The following GLI3 variants were observed in gnomAD, a reference collection of about 807,000 sequenced individuals.
The protein encoded by GLI3 is transcription activator GLI3.
Under a neutral mutation model 100.8 loss-of-function variants are expected in GLI3, and 20 were observed. The observed-to-expected ratio is 0.20, with a 90% CI of 0.14 to 0.29. The LOEUF (loss-of-function observed/expected upper bound fraction) is 0.29, where lower values mean the gene tolerates loss of function less well. GLI3 is among the 10% of genes least tolerant of loss of function. The pLI is 1.00. For missense variants in GLI3, 2,040 were observed against 2,128.5 expected (o/e 0.96, Z 0.82); for synonymous variants, 938 against 860.5 (o/e 1.09, Z -1.58).
rs1435964599 is a variant in GLI3, at chr7:41,962,098, C to A, written c.*2232G>T. On this transcript the variant is annotated 3_prime_UTR_variant, in exon 15 of 15. Coordinates refer to ENST00000395925, the MANE Select transcript of GLI3 (RefSeq NM_000168.6). ...TCACTGTGCATCCCTCCAGGAAGGA[C>A]AAAGCTGATACAGGAAATAATGGTA... is the stretch of plus-strand genomic sequence containing the variant. 1 of 152,206 alleles carries A rather than the reference C, an allele frequency of 6.6e-6. No homozygotes were observed. Among genetic ancestry groups the A allele is most frequent in the African/African-American group, 2.4e-5 (1 of 41,450 alleles). 9.4% of individuals were successfully genotyped at this position (152,206 alleles called of 1,614,324 possible).
chr7:42,194,794 C>T (rs1787895866), intron 2 of GLI3, among the ~76,000 whole-genome samples: 1 of 122,136 alleles, frequency 8.2e-6, no homozygotes, highest in Non-Finnish European at 1.6e-5. Flanking sequence ...GAGTTTCACT[C>T]TGTCACCTGT....
chr7:42,014,648 C>A (rs1788705508), intron 10 of GLI3, among the ~76,000 whole-genome samples: 1 of 152,148 alleles, frequency 6.6e-6, no homozygotes, highest in African/African-American at 2.4e-5. Flanking sequence ...TTCTTCTGTG[C>A]CTTCACCTTA....
chr7:42,213,408 C>T (rs896090656), intron 2 of GLI3, among the ~76,000 whole-genome samples: 16 of 152,150 alleles, frequency 1.1e-4, no homozygotes, highest in African/African-American at 3.4e-4. Context: ...TTGTTTTCTC[C>T]CCCTCCCTAT....
intron 3 of GLI3, among the ~76,000 whole-genome samples, chr7:42,087,232 A>T (rs1035963540): frequency 5.3e-5 from 8 of 152,188 alleles, no homozygotes; most frequent in African/African-American, 1.9e-4. Flanking sequence ...CTCCAACAAC[A>T]GGCAAAATGA....
intron 3 of GLI3, among the ~76,000 whole-genome samples, chr7:42,107,636 C>A (rs1429656768): frequency 6.6e-6 from 1 of 152,078 alleles, no homozygotes; most frequent in Non-Finnish European, 1.5e-5. Context: ...TGGCTCTCTT[C>A]CAGGGTTTTT....
intron 4 of GLI3, among the ~76,000 whole-genome samples, chr7:42,063,062 A>T (rs60674490): frequency 6.6e-6 from 1 of 152,134 alleles, no homozygotes; most frequent in Non-Finnish European, 1.5e-5. Context: ...CAGCATAACC[A>T]TCACACAACA....
chr7:41,974,636 C>G (rs1453183821), intron 12 of GLI3, among the ~76,000 whole-genome samples: 1 of 152,156 alleles, frequency 6.6e-6, no homozygotes, highest in Non-Finnish European at 1.5e-5. Flanking sequence ...GAGGAGGGAT[C>G]ATTTTTCAGC....
intron 12 of GLI3, among the ~76,000 whole-genome samples, chr7:41,973,988 G>T (rs1482630572): frequency 1.3e-5 from 2 of 152,152 alleles, no homozygotes; most frequent in Admixed American, 6.5e-5. Context: ...CTGATAATTA[G>T]TGCCATTACC....
intron 2 of GLI3, among the ~76,000 whole-genome samples, chr7:42,210,458 C>T (rs1402416928): frequency 6.8e-6 from 1 of 147,950 alleles, no homozygotes; most frequent in Non-Finnish European, 1.5e-5. Flanking sequence ...TTGATAGAGA[C>T]TCACTTTCTC....
intron 3 of GLI3, among the ~76,000 whole-genome samples, chr7:42,094,040 A>C (rs1354308427): frequency 1.3e-5 from 2 of 152,054 alleles, no homozygotes; most frequent in African/African-American, 4.8e-5. Flanking sequence ...GCAGGAGATG[A>C]GGAGAGGCCA....
At chr7:42,163,142 TGCCAAAG>T (rs1787167273) in intron 2 of GLI3, among the ~76,000 whole-genome samples, 1 of 152,086 alleles carries the variant, frequency 6.6e-6, no homozygotes, top group Admixed American at 6.5e-5. Flanking sequence ...CAGTCTTCCT[TGCCAAAG>T]GCCTCATAAA....
intron 4 of GLI3, among the ~76,000 whole-genome samples, chr7:42,050,159 C>T (rs1784326387): frequency 6.6e-6 from 1 of 151,982 alleles, no homozygotes. Flanking sequence ...CTCCTTCTGA[C>T]TCTTTTTTCA....
chr7:41,987,095 G>GACAC (rs1323125464), intron 10 of GLI3, among the ~76,000 whole-genome samples: 23 of 73,326 alleles, frequency 3.1e-4, no homozygotes, highest in African/African-American at 1.2e-3. Context: ...CACAGACACA[G>GACAC]ACACAGACAC....
At chr7:42,152,667 G>A (rs1207156597) in intron 2 of GLI3, among the ~76,000 whole-genome samples, 2 of 152,208 alleles carry the variant, frequency 1.3e-5, no homozygotes, top group Non-Finnish European at 2.9e-5. Flanking sequence ...CAGCCTGAGA[G>A]AAGGAGGGTT....
At chr7:42,186,834 T>G (rs1787725483) in intron 2 of GLI3, among the ~76,000 whole-genome samples, 2 of 152,260 alleles carry the variant, frequency 1.3e-5, no homozygotes, top group African/African-American at 4.8e-5. Context: ...ATCTACATTT[T>G]GGGATTAAAT....
chr7:42,148,305 G>A lies in GLI3; in HGVS notation c.288C>T (p.His96=), dbSNP rs200905584. ...IKKEIHGSLP[H]VAEPSVPYRG... The stretch of plus-strand genomic sequence containing the variant: ...GGTACGGCACAGAGGGCTCCGCCAC[G>A]TGTGGCAGGGACCCATGGATCTCTT... The change falls in exon 3 of 15, where the codon CAC becomes CAT. Residue 96 remains histidine, a synonymous_variant. Transcript: ENST00000395925. The A allele has an allele frequency of 1.3e-4, 209 of 1,613,226 alleles. No individual in the cohort carries two copies. Among genetic ancestry groups the A allele is most frequent in the Non-Finnish European group, 5.2e-5 (61 of 1,179,504 alleles).
intron 10 of GLI3, among the ~76,000 whole-genome samples, chr7:41,996,428 T>C (rs1490571684): frequency 6.6e-6 from 1 of 152,134 alleles, no homozygotes; most frequent in Non-Finnish European, 1.5e-5. Flanking sequence ...ACACAGAGAA[T>C]TCCCCAAGGG....
At chr7:42,121,389 T>C (rs1361370077) in intron 3 of GLI3, among the ~76,000 whole-genome samples, 1 of 152,198 alleles carries the variant, frequency 6.6e-6, no homozygotes, top group African/African-American at 2.4e-5. Flanking sequence ...TGATAAATGC[T>C]GGTCTAGAAA....
chr7:42,177,096 G>A (rs1282384289), intron 2 of GLI3, among the ~76,000 whole-genome samples: 1 of 152,170 alleles, frequency 6.6e-6, no homozygotes, highest in African/African-American at 2.4e-5. Flanking sequence ...TGACGCTCCA[G>A]TGATAGGGAC....
Sources: gnomAD v4.1 joint callset for allele counts (sites outside exome capture counted in the v4.1 genomes callset) on GRCh38, gnomAD v4.1.1 for gene constraint, MANE v1.5 for transcripts, NCBI Gene and HGNC (gene_info 2026-07-23, HGNC 2026-07-21) for gene names.